The following ABLIM1 variants were observed in gnomAD, a reference collection of about 807,000 sequenced individuals.
The protein encoded by ABLIM1 is actin-binding LIM protein 1.
ABLIM1 carries 40 observed loss-of-function variants against 107.0 expected under a neutral mutation model. That is an observed-to-expected ratio of 0.37 (90% CI 0.29 to 0.49). ABLIM1 has a LOEUF of 0.49. Ranked by LOEUF, ABLIM1 falls within the 20% of genes least tolerant of loss-of-function variation. ABLIM1 has a pLI of 0.97. For synonymous variants in ABLIM1, 357 were observed against 357.3 expected, an observed-to-expected ratio of 1.00 and a Z score of 0.01; for missense variants, 857 against 1,008.5, an observed-to-expected ratio of 0.85 and a Z score of 2.04.
At chr10:114,738,023 T>G (rs1045600826) in intron 1 of ABLIM1, among the ~76,000 whole-genome samples, 2 of 152,036 alleles carry the variant, frequency 1.3e-5, no homozygotes, top group Non-Finnish European at 2.9e-5. Context: ...ATTTAAAGGG[T>G]GAAATTTGTG....
chr10:114,766,379 C>G (rs1209973052), intron 1 of ABLIM1, among the ~76,000 whole-genome samples: 52 of 152,156 alleles, frequency 3.4e-4, no homozygotes, highest in Admixed American at 3.4e-3. Flanking sequence ...ATGTCTATAG[C>G]TGACTCCAAA....
intron 1 of ABLIM1, among the ~76,000 whole-genome samples, chr10:114,652,700 G>T (rs1441153340): frequency 6.6e-6 from 1 of 152,128 alleles, no homozygotes; most frequent in Non-Finnish European, 1.5e-5. Context: ...ATATCCTTGG[G>T]GCTTTTGATA....
chr10:114,589,528 CAA>C (rs769527282), intron 2 of ABLIM1, among the ~76,000 whole-genome samples: 7 of 130,860 alleles, frequency 5.3e-5, no homozygotes, highest in African/African-American at 5.7e-5. Context: ...GACTCTGTCT[CAA>C]AAAAAAAAAA....
In ABLIM1 at chr10:114,664,882, G is replaced by C. The variant is rs576146355; in HGVS notation, c.64+19408C>G. ...AAGAAAATGTTCCACACTTTGGGAGGCCGAGGCGGGCGGATCACGAGGTCA... is the reference window on the plus strand; with the variant it reads ...AAGAAAATGTTCCACACTTTGGGAGCCCGAGGCGGGCGGATCACGAGGTCA... On this transcript the variant is annotated intron_variant, in intron 1 of 23. Transcript: ENST00000369256. Among the ~76,000 whole-genome samples the C allele has an allele frequency of 1.1e-4, 16 of 150,856 alleles. No homozygotes were observed. In the South Asian group the frequency reaches 3.4e-3, roughly 32 times the overall value.
chr10:114,657,192 C>T (rs889154425), intron 1 of ABLIM1, among the ~76,000 whole-genome samples: 2 of 152,218 alleles, frequency 1.3e-5, no homozygotes, highest in African/African-American at 4.8e-5. Flanking sequence ...ATGCGTTATG[C>T]TTCCTGGCTT....
At chr10:114,748,105 A>T (rs1033628240) in intron 1 of ABLIM1, among the ~76,000 whole-genome samples, 12 of 152,132 alleles carry the variant, frequency 7.9e-5, no homozygotes, top group Non-Finnish European at 1.3e-4. Flanking sequence ...GAACCACCAA[A>T]TGGATGGGAA....
chr10:114,743,551 T>C (rs1203043274), intron 1 of ABLIM1, among the ~76,000 whole-genome samples: 1 of 152,228 alleles, frequency 6.6e-6, no homozygotes, highest in Non-Finnish European at 1.5e-5. Context: ...ATTTTAGTTA[T>C]TTGTCTTCTC....
chr10:114,522,512 A>G (rs2063903246), intron 6 of ABLIM1, among the ~76,000 whole-genome samples: 1 of 152,214 alleles, frequency 6.6e-6, no homozygotes, highest in Admixed American at 6.5e-5. Context: ...AGGTATACGG[A>G]TATGAGCACA....
Position 114,587,196 on chromosome 10 carries a change from G to C in ABLIM1, c.380-11597C>G, listed in dbSNP as rs77944925. Among the ~76,000 whole-genome samples, 770 of 152,316 alleles carry C rather than the reference G, an allele frequency of 5.1e-3. 8 individuals are homozygous for C. The highest frequency in any genetic ancestry group is 0.018 in the African/African-American group (733 of 41,566). On this transcript the variant is annotated intron_variant, in intron 2 of 22. Transcript: ENST00000533213. ...GTATTCCAACTCATTGTTGTAATCT[G>C]AATTTTCTAATAGCTTTAGATGAAC...
At chr10:114,795,554 A>G in the ABLIM1 span, among the ~76,000 whole-genome samples, 1 of 152,066 alleles carries the variant, frequency 6.6e-6, no homozygotes, top group East Asian at 1.9e-4. Context: ...TAAAAATATT[A>G]AAAAACTAGC....
intron 16 of ABLIM1, 98 bp from the exon 17 acceptor site, chr10:114,444,232 GT>G: frequency 9.3e-7 from 1 of 1,078,324 alleles, no homozygotes; most frequent in Non-Finnish European, 1.3e-6. Context: ...CCCACAAGAA[GT>G]TTCTCTTGCT....
intron 1 of ABLIM1, among the ~76,000 whole-genome samples, chr10:114,694,065 C>T (rs1172540657): frequency 1.3e-5 from 2 of 152,136 alleles, no homozygotes; most frequent in African/African-American, 2.4e-5. Flanking sequence ...CTGAAGTTTT[C>T]AGAAGTCAGT....
chr10:114,543,639 C>A (rs1565885601), intron 6 of ABLIM1, among the ~76,000 whole-genome samples: 3 of 152,224 alleles, frequency 2.0e-5, no homozygotes, highest in Non-Finnish European at 4.4e-5. Flanking sequence ...CTTTACACAA[C>A]AACCTGGTCT....
intron 20 of ABLIM1, chr10:114,439,732 A>G (rs1456760423): frequency 2.7e-6 from 1 of 366,980 alleles, no homozygotes; most frequent in Non-Finnish European, 4.9e-6. Flanking sequence ...AACGCGCAGG[A>G]AAAGGGTGGC....
chr10:114,772,099 T>C (rs963047202), upstream of ABLIM1, among the ~76,000 whole-genome samples: 1 of 152,038 alleles, frequency 6.6e-6, no homozygotes, highest in Non-Finnish European at 1.5e-5. Flanking sequence ...TACTCAATGG[T>C]TTTTAATCAA....
rs776291606 is a variant in ABLIM1, at chr10:114,468,184, T to C, written c.1308A>G (p.Ala436=). 3 of 1,613,054 alleles carry C rather than the reference T, an allele frequency of 1.9e-6. No individual in the cohort carries two copies. The highest frequency in any genetic ancestry group is 1.1e-5 in the South Asian group (1 of 91,072). The stretch of plus-strand genomic sequence containing the variant: ...GATAAAAAGAAATGGTACTTACTTC[T>C]GCTGATGGAGTAGGAGACAAAGTCC... ...SPRTLSPTPS[A]EGYQDVRDRM... is the part of the protein sequence containing the mutation. The change falls in exon 11 of 23, where the codon GCA becomes GCG. Residue 436 remains alanine, a synonymous_variant. Transcript: ENST00000533213.
intron 8 of ABLIM1, among the ~76,000 whole-genome samples, chr10:114,484,809 C>A (rs756408003): frequency 3.3e-5 from 5 of 152,330 alleles, no homozygotes; most frequent in East Asian, 1.9e-4. Flanking sequence ...TCTCAGCCAG[C>A]CTCCAAAAAT....
At chr10:114,501,141 T>C (rs1324542135) in intron 6 of ABLIM1, among the ~76,000 whole-genome samples, 1 of 152,194 alleles carries the variant, frequency 6.6e-6, no homozygotes, top group Non-Finnish European at 1.5e-5. Flanking sequence ...GACACCATGA[T>C]AGGCACCTCA....
intron 5 of ABLIM1, among the ~76,000 whole-genome samples, chr10:114,546,807 G>C (rs1462348793): frequency 6.6e-6 from 1 of 152,150 alleles, no homozygotes; most frequent in East Asian, 1.9e-4. Flanking sequence ...TTGAGACAAG[G>C]TCTTACTCAG....
Sources: gnomAD v4.1 joint callset for allele counts (sites outside exome capture counted in the v4.1 genomes callset) on GRCh38, gnomAD v4.1.1 for gene constraint, MANE v1.5 for transcripts, NCBI Gene and HGNC (gene_info 2026-07-23, HGNC 2026-07-21) for gene names.